CORO2B: variants seen among roughly 807,000 people sequenced by gnomAD.
CORO2B encodes coronin-2B.
A neutral mutation model predicts 58.8 loss-of-function variants in CORO2B; 26 were observed. That is an observed-to-expected ratio of 0.44 (90% CI 0.32 to 0.61). CORO2B has a LOEUF of 0.61. CORO2B is among the 20% of genes least tolerant of loss of function. CORO2B has a pLI of 0.04. For missense variants in CORO2B, 460 were observed against 645.1 expected, an observed-to-expected ratio of 0.71 and a Z score of 3.11; for synonymous variants, 242 against 253.8, an observed-to-expected ratio of 0.95 and a Z score of 0.44.
the CORO2B span, among the ~76,000 whole-genome samples, chr15:68,542,008 G>A: frequency 6.6e-6 from 1 of 152,190 alleles, no homozygotes; most frequent in Non-Finnish European, 1.5e-5. Context: ...CTCTCTCAAG[G>A]CAGCAAGCTG....
chr15:68,605,484 T>A (rs974418604), intron 1 of CORO2B, among the ~76,000 whole-genome samples: 2 of 152,224 alleles, frequency 1.3e-5, no homozygotes, highest in Non-Finnish European at 2.9e-5. Context: ...AAGCATTGAT[T>A]CAATGGAATA....
chr15:68,690,127 A>T (rs142812812), intron 2 of CORO2B, among the ~76,000 whole-genome samples: 1 of 152,232 alleles, frequency 6.6e-6, no homozygotes, highest in Non-Finnish European at 1.5e-5. Context: ...GAAATATTCT[A>T]TAATAGTGTG....
chr15:68,579,360 G>A, intron 1 of CORO2B, 83 bp downstream of exon 1: 1 of 1,191,814 alleles, frequency 8.4e-7, no homozygotes, highest in Admixed American at 4.5e-5. Context: ...CGGGGGTGTG[G>A]GTGTGGGGAG....
intron 2 of CORO2B, among the ~76,000 whole-genome samples, chr15:68,676,538 AT>A (rs1353933097): frequency 6.6e-6 from 1 of 152,226 alleles, no homozygotes; most frequent in African/African-American, 2.4e-5. Context: ...CCCCTGTGAC[AT>A]GGGGCTGCTA....
intron 2 of CORO2B, among the ~76,000 whole-genome samples, chr15:68,667,347 G>A (rs550824450): frequency 2.0e-5 from 3 of 152,240 alleles, no homozygotes; most frequent in Non-Finnish European, 4.4e-5. Flanking sequence ...CAGACTCTCC[G>A]CTTCCTGCCA....
rs536376198 is a variant in CORO2B at position 68,685,502 on chromosome 15, G to A, written c.217-9638G>A. ...GCTGGGATTACAGGCGTGAGCCACCGTGCCCAGCTGATAATGTTTTGAATT... is the reference window on the plus strand; with the variant it reads ...GCTGGGATTACAGGCGTGAGCCACCATGCCCAGCTGATAATGTTTTGAATT... On this transcript the variant is annotated intron_variant, in intron 2 of 11. Transcript: ENST00000261861. Among the ~76,000 whole-genome samples the A allele has an allele frequency of 5.9e-5, 9 of 152,202 alleles. No individual in the cohort carries two copies. The South Asian group carries it at 6.2e-4, about 11-fold the overall frequency.
chr15:68,678,650 G>A (rs139336042), intron 2 of CORO2B, among the ~76,000 whole-genome samples: 9 of 152,212 alleles, frequency 5.9e-5, no homozygotes, highest in African/African-American at 2.2e-4. Flanking sequence ...CTCCAGCCTG[G>A]GCAAAAGAGC....
the CORO2B span, among the ~76,000 whole-genome samples, chr15:68,550,925 C>G: frequency 1.3e-5 from 2 of 152,206 alleles, no homozygotes; most frequent in Admixed American, 1.3e-4. Context: ...ACACCTGAGC[C>G]TCCCCACACC....
chr15:68,578,952 C>G, upstream of CORO2B: 6 of 749,596 alleles, frequency 8.0e-6, no homozygotes, highest in Non-Finnish European at 9.8e-6. This position sits in a 1 kb window ranked among gnomAD's most constrained non-coding sequence, Gnocchi z 4.2. Flanking sequence ...CCCTCTTCCT[C>G]CCCCCGCCCC....
chr15:68,705,717 C>CA (rs1596028751), intron 3 of CORO2B, among the ~76,000 whole-genome samples: 2 of 152,176 alleles, frequency 1.3e-5, no homozygotes, highest in African/African-American at 4.8e-5. Context: ...CCTGACCCCC[C>CA]ATCCCTGGGC....
chr15:68,558,911 A>T, the CORO2B span, among the ~76,000 whole-genome samples: 9 of 151,912 alleles, frequency 5.9e-5, no homozygotes, highest in Non-Finnish European at 2.9e-5. Context: ...CACCGCGGGG[A>T]GGTGTTGTGA....
At chr15:68,635,646 GT>G (rs1483178407) in intron 1 of CORO2B, among the ~76,000 whole-genome samples, 1 of 152,216 alleles carries the variant, frequency 6.6e-6, no homozygotes, top group Non-Finnish European at 1.5e-5. Context: ...ACAGGATACG[GT>G]TCCTTGAAAG....
chr15:68,628,789 A>G (rs1011021690), intron 1 of CORO2B, among the ~76,000 whole-genome samples: 2 of 152,192 alleles, frequency 1.3e-5, no homozygotes, highest in Non-Finnish European at 2.9e-5. Flanking sequence ...CGGAGTCTAC[A>G]TGGACTCACC....
chr15:68,584,895 C>T (rs1487745433), intron 1 of CORO2B, among the ~76,000 whole-genome samples: 1 of 138,664 alleles, frequency 7.2e-6, no homozygotes, highest in Non-Finnish European at 1.5e-5. Context: ...TGAAAAGTAG[C>T]TGTTTAGAAT....
chr15:68,666,928 T>C (rs931376787), intron 2 of CORO2B, among the ~76,000 whole-genome samples: 3 of 152,176 alleles, frequency 2.0e-5, no homozygotes, highest in African/African-American at 7.2e-5. Flanking sequence ...GCCAGAAACC[T>C]GCCGCATGCC....
intron 2 of CORO2B, among the ~76,000 whole-genome samples, chr15:68,662,022 A>AATT (rs1566999578): frequency 8.8e-4 from 130 of 148,010 alleles, no homozygotes; most frequent in Middle Eastern, 3.5e-3. Context: ...ATAAATAAAT[A>AATT]AATAAATTAA....
chr15:68,708,503 G>C (rs1482536005), intron 3 of CORO2B, among the ~76,000 whole-genome samples: 1 of 151,872 alleles, frequency 6.6e-6, no homozygotes, highest in Non-Finnish European at 1.5e-5. Context: ...TGGGACTACA[G>C]GTGCCTGCCA....
Position 68,645,373 on chromosome 15 carries a change from T to G in CORO2B, c.216+13T>G. On this transcript the variant is annotated intron_variant, in intron 2 of 11. Coordinates refer to ENST00000261861, the MANE Select transcript of CORO2B (RefSeq NM_006091.5). The surrounding 1 kb of genome is among the most constrained non-coding windows in gnomAD (Gnocchi z 4.5). ...CCCCCTGGAGCAGGTAGGTGGCCCC[T>G]ACCTTCACTCCAGCTGCAGCTCCAG... is the stretch of plus-strand genomic sequence containing the variant. 1 of 1,607,924 alleles carries G rather than the reference T, an allele frequency of 6.2e-7. No individual in the cohort carries two copies. Among genetic ancestry groups the G allele is most frequent in the Non-Finnish European group, 8.5e-7 (1 of 1,179,314 alleles).
At chr15:68,701,016 G>A (rs537723801) in intron 3 of CORO2B, among the ~76,000 whole-genome samples, 21 of 152,316 alleles carry the variant, frequency 1.4e-4, no homozygotes, top group South Asian at 1.2e-3. Flanking sequence ...TGGACAGGAT[G>A]TCAGCCCTGC....
Sources: allele counts gnomAD v4.1 joint callset (sites outside exome capture counted in the v4.1 genomes callset), GRCh38; gene constraint gnomAD v4.1.1; non-coding constraint Gnocchi (gnomAD v3.1); transcripts MANE v1.5; gene names NCBI Gene and HGNC (gene_info 2026-07-23, HGNC 2026-07-21).